The following OTULINL variants were observed in gnomAD, a reference collection of about 807,000 sequenced individuals.
The protein encoded by OTULINL is OTU deubiquitinase with linear linkage specificity like, also known as inactive ubiquitin thioesterase OTULINL.
Under a neutral mutation model 43.9 loss-of-function variants are expected in OTULINL, and 42 were observed. The ratio of observed to expected loss-of-function variants is 0.96; its 90% confidence interval spans 0.75 to 1.24. The LOEUF is 1.24. Among genes scored for constraint, OTULINL ranks in the 50% most tolerant of loss-of-function variants. The pLI, the probability that OTULINL is intolerant of heterozygous loss-of-function variation, is 0.00. For missense variants in OTULINL, 411 were observed against 426.4 expected (o/e 0.96, Z 0.32); for synonymous variants, 172 against 153.6 (o/e 1.12, Z -0.88).
At chr5:14,594,393 G>C (rs891396735) in intron 1 of OTULINL, among the ~76,000 whole-genome samples, 4 of 152,220 alleles carry the variant, frequency 2.6e-5, no homozygotes, top group Admixed American at 2.6e-4. Context: ...TAAACAATCA[G>C]TTCCCACACT....
chr5:14,606,906 A>G (rs560085236), intron 5 of OTULINL, among the ~76,000 whole-genome samples: 2 of 152,238 alleles, frequency 1.3e-5, no homozygotes, highest in Non-Finnish European at 2.9e-5. Flanking sequence ...AACTGTTGCT[A>G]TAGTCTTTTA....
rs1338871459 is a variant in OTULINL, at chr5:14,610,912, A to T, written c.*598A>T. ...TTTATATATACATATATACACATAG[A>T]CATACAGAGAACCACTACTTTGTAA... On this transcript the variant is annotated 3_prime_UTR_variant, in exon 8 of 8. Transcript: ENST00000274217. 1 of 152,226 alleles carries T rather than the reference A, an allele frequency of 6.6e-6. No individual in the cohort carries two copies. 9.4% of individuals were successfully genotyped at this position (152,226 alleles called of 1,614,324 possible). A position where few individuals can be genotyped will look rare whatever the true frequency, so the allele number is the denominator to read the frequency against.
At chr5:14,597,052 A>T (rs963624215) in intron 1 of OTULINL, among the ~76,000 whole-genome samples, 2 of 152,158 alleles carry the variant, frequency 1.3e-5, no homozygotes, top group Non-Finnish European at 2.9e-5. Context: ...CCTGTTTTTG[A>T]ATTCTGGCTC....
At chr5:14,609,351 C>T (rs1759536045) in intron 7 of OTULINL, among the ~76,000 whole-genome samples, 1 of 152,106 alleles carries the variant, frequency 6.6e-6, no homozygotes, top group South Asian at 2.1e-4. Flanking sequence ...TTTGGGAAAG[C>T]GTTTGGTTAC....
chr5:14,589,042 A>G (rs879139349), intron 1 of OTULINL, among the ~76,000 whole-genome samples: 28 of 152,276 alleles, frequency 1.8e-4, no homozygotes, highest in Admixed American at 1.6e-3. Context: ...TCCTGATTAC[A>G]TGATACATTT....
chr5:14,608,712 T>C (rs758355758), intron 6 of OTULINL, 36 bp from the exon 7 acceptor site: 1 of 1,542,040 alleles, frequency 6.5e-7, no homozygotes, highest in African/African-American at 1.4e-5. Context: ...TCTTCACCTT[T>C]ATCCTTCTGA....
chr5:14,602,269 A>G lies in OTULINL; in HGVS notation c.435A>G (p.Leu145=), dbSNP rs1206785700. 1 of 1,613,842 alleles carries G rather than the reference A, an allele frequency of 6.2e-7. No individual in the cohort carries two copies. The highest frequency in any genetic ancestry group is 8.5e-7 in the Non-Finnish European group (1 of 1,179,912). Residue 145 remains leucine, a synonymous_variant, in exon 5 of 8, where the codon TTA becomes TTG. Coordinates refer to ENST00000274217, the MANE Select transcript of OTULINL (RefSeq NM_019018.3). ...ACTATGATGCTCTCAGATCAGTGTT[A>G]TTTCAGATATTCAGCCAGGGCATCT... ...RDNYDALRSV[L]FQIFSQGISF... is the part of the protein sequence containing the mutation.
At position 14,581,977 on chromosome 5, in the gene OTULINL, G is replaced by A; in HGVS notation, c.64+19G>A. 8.0e-7 allele frequency: 1 copy of A among 1,254,274 alleles called. No individual in the cohort carries two copies. The highest frequency in any genetic ancestry group is 2.6e-5 in the South Asian group (1 of 37,852). 77.7% of individuals were successfully genotyped at this position (1,254,274 alleles called of 1,614,324 possible). On this transcript the variant is annotated intron_variant, in intron 1 of 7. Coordinates refer to ENST00000274217, the MANE Select transcript of OTULINL (RefSeq NM_019018.3). ...GCCGCAGGTGAGCCTGGGGCCGGGCGGGGCGGGGCGGGGGGCGCGAGCAGG... is the reference window on the plus strand; with the variant it reads ...GCCGCAGGTGAGCCTGGGGCCGGGCAGGGCGGGGCGGGGGGCGCGAGCAGG...
chr5:14,589,915 C>T (rs1161729264), intron 1 of OTULINL, among the ~76,000 whole-genome samples: 1 of 152,068 alleles, frequency 6.6e-6, no homozygotes, highest in African/African-American at 2.4e-5. Flanking sequence ...GCACTCCAGC[C>T]TGGGCGACAG....
chr5:14,598,015 T>G (rs80196073), intron 1 of OTULINL, among the ~76,000 whole-genome samples: 1,695 of 152,084 alleles, frequency 0.011, 39 homozygotes, highest in African/African-American at 0.039. Flanking sequence ...CTGTAGCGGG[T>G]CCCCATGGAG....
In OTULINL at chr5:14,610,293, C is replaced by T. The variant is rs759103331; in HGVS notation, c.1050C>T (p.His350=). The T allele has an allele frequency of 3.7e-6, 6 of 1,613,040 alleles. No individual in the cohort carries two copies. The African/African-American group carries it at 6.7e-5, about 18-fold the overall frequency. Residue 350 remains histidine, a synonymous_variant, in exon 8 of 8, where the codon CAC becomes CAT. Coordinates refer to ENST00000274217, the MANE Select transcript of OTULINL (RefSeq NM_019018.3). ...CCCTGCTGACCGAGAACGACCGCCACTACCACATTCCAGTCTTTTAAGTCC... is the reference window on the plus strand; with the variant it reads ...CCCTGCTGACCGAGAACGACCGCCATTACCACATTCCAGTCTTTTAAGTCC... The part of the protein sequence containing the change: ...EISLLTENDR[H]YHIPVF
intron 1 of OTULINL, among the ~76,000 whole-genome samples, chr5:14,598,650 G>T (rs1157364766): frequency 6.6e-6 from 1 of 152,216 alleles, no homozygotes; most frequent in Non-Finnish European, 1.5e-5. Flanking sequence ...GTTTGAGGTT[G>T]CAGTGAGCTG....
At chr5:14,588,739 G>C (rs1475231602) in intron 1 of OTULINL, among the ~76,000 whole-genome samples, 1 of 152,084 alleles carries the variant, frequency 6.6e-6, no homozygotes, top group African/African-American at 2.4e-5. Context: ...GTCTCTTTTG[G>C]GTACAAGATG....
chr5:14,587,845 A>G (rs992506605), intron 1 of OTULINL, among the ~76,000 whole-genome samples: 4 of 152,156 alleles, frequency 2.6e-5, no homozygotes, highest in Middle Eastern at 3.2e-3. Context: ...ATCTTCTCCC[A>G]TATGTAATTG....
intron 1 of OTULINL, among the ~76,000 whole-genome samples, chr5:14,598,464 C>T (rs1342359843): frequency 6.6e-6 from 1 of 152,202 alleles, no homozygotes; most frequent in African/African-American, 2.4e-5. Context: ...TGTGCACACC[C>T]TGTGACCTAG....
rs567998172 is a variant in OTULINL, at chr5:14,606,476, G to C, written c.499-854G>C. ...CCAGGCTCAGCAAACTGAGTAGGAT[G>C]GGAAAATGTATTGGATACCTATGAT... is the stretch of plus-strand genomic sequence containing the variant. On this transcript the variant is annotated intron_variant, in intron 5 of 7. Coordinates refer to ENST00000274217, the MANE Select transcript of OTULINL (RefSeq NM_019018.3). Among the ~76,000 whole-genome samples the C allele has an allele frequency of 2.6e-5, 4 of 152,326 alleles. No homozygotes were observed. In the South Asian group the frequency reaches 8.3e-4, roughly 32 times the overall value.
At chr5:14,588,691 A>C (rs1759148701) in intron 1 of OTULINL, among the ~76,000 whole-genome samples, 1 of 152,120 alleles carries the variant, frequency 6.6e-6, no homozygotes, top group African/African-American at 2.4e-5. Context: ...GGCTCCTTCC[A>C]CTTTGTTTCT....
At chr5:14,608,161 G>A (rs561125126) in intron 6 of OTULINL, among the ~76,000 whole-genome samples, 1 of 152,160 alleles carries the variant, frequency 6.6e-6, no homozygotes, top group South Asian at 2.1e-4. Flanking sequence ...ACTAGTAGGT[G>A]ATACTTTTTG....
At chr5:14,588,035 A>G (rs1423560277) in intron 1 of OTULINL, among the ~76,000 whole-genome samples, 1 of 152,064 alleles carries the variant, frequency 6.6e-6, no homozygotes, top group Non-Finnish European at 1.5e-5. Flanking sequence ...GGTTTAATAG[A>G]TCTGTAGGAC....
Sources: gnomAD v4.1 joint callset for allele counts (sites outside exome capture counted in the v4.1 genomes callset) on GRCh38, gnomAD v4.1.1 for gene constraint, MANE v1.5 for transcripts, NCBI Gene and HGNC (gene_info 2026-07-23, HGNC 2026-07-21) for gene names.